AKAP19: variants seen among roughly 807,000 people sequenced by gnomAD.
AKAP19 encodes A-kinase anchoring protein 19.
At chr2:189,992,815 C>T in the AKAP19 span, among the ~76,000 whole-genome samples, 18 of 151,978 alleles carry the variant, frequency 1.2e-4, no homozygotes, top group Admixed American at 4.6e-4. Context: ...TGATTCTCAG[C>T]CTTGTTGTTG....
the AKAP19 span, among the ~76,000 whole-genome samples, chr2:189,989,363 A>T: frequency 6.6e-6 from 1 of 152,182 alleles, no homozygotes; most frequent in Non-Finnish European, 1.5e-5. Flanking sequence ...AAATCCAGAA[A>T]TATAAGTATT....
At chr2:190,046,889 C>T in the AKAP19 span, among the ~76,000 whole-genome samples, 1 of 152,072 alleles carries the variant, frequency 6.6e-6, no homozygotes, top group Non-Finnish European at 1.5e-5. Flanking sequence ...TGATTGGTTT[C>T]TTTTCTAAAA....
the AKAP19 span, among the ~76,000 whole-genome samples, chr2:190,149,470 T>C: frequency 1.3e-5 from 2 of 152,194 alleles, no homozygotes; most frequent in South Asian, 2.1e-4. Context: ...GGCTATGAAC[T>C]TTCCTCTTAG....
At chr2:190,118,343 G>A in the AKAP19 span, among the ~76,000 whole-genome samples, 1 of 152,182 alleles carries the variant, frequency 6.6e-6, no homozygotes, top group Non-Finnish European at 1.5e-5. Context: ...TAGAAAAAGA[G>A]GGAATCCTCC....
the AKAP19 span, among the ~76,000 whole-genome samples, chr2:190,144,054 G>T: frequency 6.8e-6 from 1 of 146,360 alleles, no homozygotes; most frequent in South Asian, 2.3e-4. Flanking sequence ...ATAGTATTGG[G>T]AGATATACCT....
the AKAP19 span, among the ~76,000 whole-genome samples, chr2:190,002,985 T>A: frequency 2.0e-5 from 3 of 152,066 alleles, no homozygotes; most frequent in Non-Finnish European, 4.4e-5. Context: ...ATCCTGAGGG[T>A]TTTTTTAATG....
the AKAP19 span, chr2:190,057,226 T>A: frequency 6.2e-7 from 1 of 1,611,914 alleles, no homozygotes; most frequent in Non-Finnish European, 8.5e-7. Flanking sequence ...ACCTTCCATG[T>A]TTTAGGAAGT....
the AKAP19 span, among the ~76,000 whole-genome samples, chr2:190,124,247 G>C: frequency 9.1e-3 from 1,390 of 152,284 alleles, 9 homozygotes; most frequent in Middle Eastern, 0.034. Flanking sequence ...ACAGATGTAT[G>C]TTCTGAGAAA....
the AKAP19 span, among the ~76,000 whole-genome samples, chr2:190,115,724 A>G: frequency 2.0e-5 from 3 of 152,070 alleles, no homozygotes; most frequent in Non-Finnish European, 4.4e-5. Context: ...GACACTGTTC[A>G]TGTCTCAGAA....
At chr2:189,889,972 G>T in the AKAP19 span, among the ~76,000 whole-genome samples, 1 of 152,088 alleles carries the variant, frequency 6.6e-6, no homozygotes, top group East Asian at 1.9e-4. Flanking sequence ...GCTAGCTTTT[G>T]AATTTGTTTG....
the AKAP19 span, among the ~76,000 whole-genome samples, chr2:190,097,646 T>A: frequency 6.6e-6 from 1 of 151,998 alleles, no homozygotes; most frequent in Non-Finnish European, 1.5e-5. Flanking sequence ...TCTAAATTCT[T>A]TCTTTTATTT....
chr2:189,883,508 T>G, the AKAP19 span, among the ~76,000 whole-genome samples: 2 of 66,208 alleles, frequency 3.0e-5, no homozygotes, highest in Non-Finnish European at 5.3e-5. Flanking sequence ...TTTCTTCCTG[T>G]TTTTTTTTTT....
chr2:190,057,402 G>C, the AKAP19 span: 1 of 1,613,606 alleles, frequency 6.2e-7, no homozygotes, highest in East Asian at 2.2e-5. Flanking sequence ...GGTTTGCTTG[G>C]TGTACCAGAT....
the AKAP19 span, among the ~76,000 whole-genome samples, chr2:189,924,958 C>T: frequency 6.6e-6 from 1 of 151,978 alleles, no homozygotes; most frequent in African/African-American, 2.4e-5. Flanking sequence ...ACCATGAGCT[C>T]AATGTTAGTG....
chr2:189,968,743 A>G, the AKAP19 span, among the ~76,000 whole-genome samples: 131 of 152,270 alleles, frequency 8.6e-4, no homozygotes, highest in Admixed American at 1.8e-3. Context: ...TGTTTAAGAC[A>G]AGAGCATTAC....
At chr2:189,933,388 AT>A in the AKAP19 span, among the ~76,000 whole-genome samples, 1 of 151,440 alleles carries the variant, frequency 6.6e-6, no homozygotes, top group African/African-American at 2.4e-5. Flanking sequence ...GAATAAATGA[AT>A]AATACCCAAG....
the AKAP19 span, among the ~76,000 whole-genome samples, chr2:190,191,734 C>A: frequency 6.6e-6 from 1 of 152,194 alleles, no homozygotes; most frequent in Non-Finnish European, 1.5e-5. Context: ...GAGCATCTTT[C>A]ATGTACTTAT....
At chr2:190,082,612 A>G in the AKAP19 span, among the ~76,000 whole-genome samples, 1 of 152,252 alleles carries the variant, frequency 6.6e-6, no homozygotes, top group Admixed American at 6.5e-5. Flanking sequence ...TTACTAGTAC[A>G]GCTGGATTGC....
the AKAP19 span, among the ~76,000 whole-genome samples, chr2:190,103,794 A>C: frequency 2.0e-5 from 3 of 152,266 alleles, no homozygotes; most frequent in Non-Finnish European, 4.4e-5. Flanking sequence ...TATTCCTATC[A>C]AACTACCAAT....
Sources: gnomAD v4.1 joint callset for allele counts (sites outside exome capture counted in the v4.1 genomes callset) on GRCh38, gnomAD v4.1.1 for gene constraint, MANE v1.5 for transcripts, NCBI Gene and HGNC (gene_info 2026-07-23, HGNC 2026-07-21) for gene names.